Variants in KLK10 observed in about 807,000 individuals in gnomAD.
The protein encoded by KLK10 is kallikrein-10.
A neutral mutation model predicts 25.7 loss-of-function variants in KLK10; 27 were observed. That is an observed-to-expected ratio of 1.05 (90% CI 0.77 to 1.45). The LOEUF (loss-of-function observed/expected upper bound fraction) is 1.45. Among genes scored for constraint, KLK10 ranks in the 40% most tolerant of loss-of-function variants. The probability of loss-of-function intolerance (pLI) is 0.00; values close to 1 mark genes in which losing one functional copy is unlikely to be tolerated. For missense variants in KLK10, 386 were observed against 370.0 expected (o/e 1.04, Z -0.35); for synonymous variants, 173 against 160.1 (o/e 1.08, Z -0.61).
chr19:51,017,609 C>A (rs1419103824), intron 2 of KLK10, among the ~76,000 whole-genome samples: 1 of 149,838 alleles, frequency 6.7e-6, no homozygotes, highest in Non-Finnish European at 1.5e-5. Context: ...GGGGATTGAA[C>A]GCGGCGGGGA....
Position 51,015,067 on chromosome 19 carries a change from G to A in KLK10, c.679-115C>T, listed in dbSNP as rs567061528. The A allele has an allele frequency of 1.1e-4, 101 of 916,960 alleles. No homozygotes were observed. In the South Asian group the frequency reaches 1.5e-3, roughly 13 times the overall value. 56.8% of individuals were successfully genotyped at this position (916,960 alleles called of 1,614,324 possible). ...GTTGGGTTGGGATAAAGACGAGGAT[G>A]GGATGGGGTTGGAATTAGGTATGAG... On this transcript the variant is annotated intron_variant, in intron 5 of 5. Transcript: ENST00000358789.
chr19:51,017,036 C>T (rs1053288981), intron 3 of KLK10, 74 bp downstream of exon 3: 3 of 1,394,458 alleles, frequency 2.2e-6, no homozygotes, highest in Admixed American at 2.7e-5. Flanking sequence ...CGAGAGACCC[C>T]GCCCTGCCCG....
chr19:51,015,545 A>T lies in KLK10; in HGVS notation c.550T>A (p.Tyr184Asn). 6.2e-7 allele frequency: 1 copy of T among 1,613,596 alleles called. No individual in the cohort carries two copies. Among genetic ancestry groups the T allele is most frequent in the Non-Finnish European group, 8.5e-7 (1 of 1,179,646 alleles). The change falls in exon 5 of 6, where the codon TAC becomes AAC. Residue 184 changes from tyrosine to asparagine, a missense_variant. Transcript: ENST00000358789. Reference sequence around the variant, plus strand: ...CTGGAGCAGGTCAGGCCCTTGTTGTACTTCACTGAAGGGAGAATATGCCAG... The same window carrying T: ...CTGGAGCAGGTCAGGCCCTTGTTGTTCTTCACTGAAGGGAGAATATGCCAG... ...WGTTAARRVK[Y>N]NKGLTCSSIT...
At chr19:51,018,000 CAAAAAA>C (rs1162503837) in intron 2 of KLK10, among the ~76,000 whole-genome samples, 7 of 28,130 alleles carry the variant, frequency 2.5e-4, no homozygotes, top group African/African-American at 9.4e-4. Context: ...GACCCTGTCT[CAAAAAA>C]AAAAAAAAAA....
chr19:51,016,985 T>C, intron 3 of KLK10, 125 bp downstream of exon 3: 2 of 1,013,806 alleles, frequency 2.0e-6, no homozygotes, highest in Non-Finnish European at 2.8e-6. Flanking sequence ...CTCCTCCTGC[T>C]GGAAGGACAC....
At chr19:51,018,164 CAAAAAA>C (rs35154267) in intron 2 of KLK10, among the ~76,000 whole-genome samples, 7 of 36,446 alleles carry the variant, frequency 1.9e-4, no homozygotes, top group East Asian at 8.2e-4. Context: ...TGCCCTGTCT[CAAAAAA>C]AAAAAAAAAA....
Position 51,019,211 on chromosome 19 carries a change from C to T in KLK10, c.-9-72G>A. 1 of 1,118,366 alleles carries T rather than the reference C, an allele frequency of 8.9e-7. No homozygotes were observed. Among genetic ancestry groups the T allele is most frequent in the Non-Finnish European group, 1.3e-6 (1 of 789,032 alleles). 69.3% of individuals were successfully genotyped at this position (1,118,366 alleles called of 1,614,324 possible). ...AGACCCCCACCTCGCCGCGCTCATC[C>T]GCCCAGCCTGGGCCACCCCAGCCCG... is the stretch of plus-strand genomic sequence containing the variant. On this transcript the variant is annotated intron_variant, in intron 1 of 5. Transcript: ENST00000358789. The surrounding 1 kb of genome is among the most constrained non-coding windows in gnomAD (Gnocchi z 4.2).
intron 3 of KLK10, among the ~76,000 whole-genome samples, chr19:51,016,878 TAG>T (rs2091334997): frequency 3.9e-5 from 6 of 152,042 alleles, no homozygotes. Context: ...CACCTCCTCC[TAG>T]AGCTCAAGGA....
At chr19:51,017,631 G>T (rs558769597) in intron 2 of KLK10, among the ~76,000 whole-genome samples, 11 of 151,834 alleles carry the variant, frequency 7.2e-5, no homozygotes, top group African/African-American at 2.7e-4. Flanking sequence ...GTAAGGGTGC[G>T]GGGATAGAAC....
chr19:51,018,921 G>A lies in KLK10; in HGVS notation c.88+122C>T, dbSNP rs566205236. 3.3e-5 allele frequency: 25 copies of A among 749,488 alleles called. No homozygotes were observed. The African/African-American group carries it at 3.9e-4, about 12-fold the overall frequency. The allele number at this position is 749,488 out of a possible 1,614,324, so 46.4% of individuals were successfully genotyped here. ...TTGGGGGCGGGCCGTGCTCCGGAGC[G>A]CTGGGTGGGTGCTGGGGTCTCGGGG... On this transcript the variant is annotated intron_variant, in intron 2 of 5. Transcript: ENST00000358789.
At position 51,017,259 on chromosome 19, in the gene KLK10, G is replaced by T. The variant is rs1026233334; in HGVS notation, c.120C>A (p.Asp40Glu). ...AAEAALLPQN[D>E]TRLDPEAYGS... ...CATAGGCTTCGGGGTCCAAGCGCGTGTCGTTTTGGGGGAGCAGCGCCGCCT... is the reference window on the plus strand; with the variant it reads ...CATAGGCTTCGGGGTCCAAGCGCGTTTCGTTTTGGGGGAGCAGCGCCGCCT... The change falls in exon 3 of 6, where the codon GAC (aspartate) becomes GAA (glutamate). Residue 40 changes from aspartate (D) to glutamate (E), a missense_variant. Physicochemically the swap from Asp to Glu is conservative, Grantham distance 45 (BLOSUM62 2). Coordinates refer to ENST00000358789, the MANE Select transcript of KLK10 (RefSeq NM_145888.3). 1 of 1,609,940 alleles carries T rather than the reference G, an allele frequency of 6.2e-7. No homozygotes were observed.
At position 51,017,280 on chromosome 19, in the gene KLK10, C is replaced by T. The variant is rs776422360; in HGVS notation, c.99G>A (p.Ala33=). Residue 33 remains alanine, a synonymous_variant, in exon 3 of 6, where the codon GCG becomes GCA. Coordinates refer to ENST00000358789, the MANE Select transcript of KLK10 (RefSeq NM_145888.3). ...LLMAQLWAAE[A]ALLPQNDTRL... Reference sequence around the variant, plus strand: ...GCGTGTCGTTTTGGGGGAGCAGCGCCGCCTCTGCGGCTGGAGAAAGAAAGG... The same window carrying T: ...GCGTGTCGTTTTGGGGGAGCAGCGCTGCCTCTGCGGCTGGAGAAAGAAAGG... 15 of 1,604,284 alleles carry T rather than the reference C, an allele frequency of 9.3e-6. No homozygotes were observed. Among genetic ancestry groups the T allele is most frequent in the Non-Finnish European group, 1.2e-5 (14 of 1,176,086 alleles).
Position 51,019,411 on chromosome 19 carries a change from C to T in KLK10, c.-10+216G>A, listed in dbSNP as rs1286114086. On this transcript the variant is annotated intron_variant, in intron 1 of 5. Transcript: ENST00000358789. The surrounding 1 kb of genome is among the most constrained non-coding windows in gnomAD (Gnocchi z 4.2). Reference sequence around the variant, plus strand: ...GCCCCAGCTACCCTGGCTGCAGCCACGCCGCGCCCGAGGTTTCCCCCTCCT... The same window carrying T: ...GCCCCAGCTACCCTGGCTGCAGCCATGCCGCGCCCGAGGTTTCCCCCTCCT... 6.6e-6 allele frequency among the ~76,000 whole-genome samples: 1 copy of T among 152,216 alleles called. No individual in the cohort carries two copies. The highest frequency in any genetic ancestry group is 1.9e-4 in the East Asian group (1 of 5,176).
In KLK10 at chr19:51,013,252, GTCC is replaced by G. The variant is rs1234078218; in HGVS notation, c.*1545_*1547del. 6.6e-6 allele frequency: 1 copy of G among 152,074 alleles called. No homozygotes were observed. Among genetic ancestry groups the G allele is most frequent in the African/African-American group, 2.4e-5 (1 of 41,378 alleles). 9.4% of individuals were successfully genotyped at this position (152,074 alleles called of 1,614,324 possible). A position where few individuals can be genotyped will look rare whatever the true frequency, so the allele number is the denominator to read the frequency against. On this transcript the variant is annotated 3_prime_UTR_variant, in exon 6 of 6. Coordinates refer to ENST00000358789, the MANE Select transcript of KLK10 (RefSeq NM_145888.3). ...GGACCTTGTGATCACCCCTACGTAT[GTCC>G]CCAGCACCCAGCACTGGGCCTGGCA...
Position 51,017,309 on chromosome 19 carries a change from C to T in KLK10, c.89-19G>A, listed in dbSNP as rs1414519719. 8 of 1,586,534 alleles carry T rather than the reference C, an allele frequency of 5.0e-6. No individual in the cohort carries two copies. In the Admixed American group the frequency reaches 1.0e-4, roughly 21 times the overall value. The stretch of plus-strand genomic sequence containing the variant: ...TCTGCGGCTGGAGAAAGAAAGGGGA[C>T]GGAATCAAAGCACGGAGGGCAGGGT... On this transcript the variant is annotated intron_variant, in intron 2 of 5. Transcript: ENST00000358789.
Position 51,015,890 on chromosome 19 carries a change from G to A in KLK10, c.536C>T (p.Ala179Val), listed in dbSNP as rs2091319702. The part of the protein sequence containing the change: ...CQVAGWGTTA[A>V]RRVKYNKGLT... The stretch of plus-strand genomic sequence containing the variant: ...AGAGCCCCAGCTCTTGCCTCTCCGG[G>A]CGGCCGTGGTGCCCCAGCCAGCAAC... The change falls in exon 4 of 6, where the codon GCC becomes GTC. Residue 179 changes from alanine to valine, a missense_variant. Transcript: ENST00000358789. The A allele has an allele frequency of 2.6e-6, 4 of 1,551,538 alleles. No individual in the cohort carries two copies. Among genetic ancestry groups the A allele is most frequent in the African/African-American group, 2.7e-5 (2 of 74,282 alleles).
At chr19:51,017,499 G>T (rs1281755781) in intron 2 of KLK10, among the ~76,000 whole-genome samples, 3 of 152,052 alleles carry the variant, frequency 2.0e-5, no homozygotes. Flanking sequence ...GGATAGGGTA[G>T]CGTGGAGTAA....
chr19:51,014,996 G>A (rs754464517), intron 5 of KLK10, 44 bp from the exon 6 acceptor site: 1 of 1,579,642 alleles, frequency 6.3e-7, no homozygotes, highest in South Asian at 1.1e-5. Context: ...GTGCCAACGT[G>A]AGAGCTGTCA....
At chr19:51,018,736 G>C (rs906873944) in intron 2 of KLK10, 15 of 460,168 alleles carry the variant, frequency 3.3e-5, no homozygotes, top group Non-Finnish European at 4.4e-5. Context: ...AAACACGGTA[G>C]TGTAAAATGG....
Sources: allele counts gnomAD v4.1 joint callset (sites outside exome capture counted in the v4.1 genomes callset), GRCh38; gene constraint gnomAD v4.1.1; non-coding constraint Gnocchi (gnomAD v3.1); transcripts MANE v1.5; gene names NCBI Gene and HGNC (gene_info 2026-07-23, HGNC 2026-07-21).